Variants in SV2C observed in about 807,000 individuals in gnomAD.
SV2C encodes the protein synaptic vesicle glycoprotein 2C.
In SV2C, 49 loss-of-function variants were observed where a neutral mutation model predicts 79.7. The observed-to-expected ratio is 0.61, with a 90% CI of 0.49 to 0.78. The LOEUF is 0.78. Among genes scored for constraint, SV2C ranks in the 30% least tolerant of loss-of-function variants. SV2C has a pLI of 0.00. For missense variants in SV2C, 833 were observed against 912.9 expected (o/e 0.91, Z 1.13); for synonymous variants, 334 against 333.2 (o/e 1.00, Z -0.03).
chr5:75,884,668 A>G, the SV2C span, among the ~76,000 whole-genome samples: 1 of 152,168 alleles, frequency 6.6e-6, no homozygotes, highest in Non-Finnish European at 1.5e-5. Flanking sequence ...ATCACCATAC[A>G]TAACTAATAA....
chr5:75,889,228 C>A, the SV2C span, among the ~76,000 whole-genome samples: 1 of 151,800 alleles, frequency 6.6e-6, no homozygotes, highest in Non-Finnish European at 1.5e-5. Context: ...TTAGGTATTT[C>A]TCCTAATGCT....
the SV2C span, among the ~76,000 whole-genome samples, chr5:75,886,965 T>A: frequency 1.3e-5 from 2 of 152,246 alleles, no homozygotes; most frequent in South Asian, 4.1e-4. Context: ...CTGGGATGGT[T>A]GTTCAACCTA....
the SV2C span, among the ~76,000 whole-genome samples, chr5:75,908,431 G>C: frequency 2.6e-5 from 4 of 152,144 alleles, no homozygotes; most frequent in Non-Finnish European, 5.9e-5. Context: ...TTCCATTATA[G>C]AGATGTGCCA....
At chr5:75,999,323 CATAT>C in the SV2C span, among the ~76,000 whole-genome samples, 1 of 113,178 alleles carries the variant, frequency 8.8e-6, no homozygotes, top group Non-Finnish European at 1.9e-5. Context: ...GATACACACA[CATAT>C]ATATAGGAAG....
intron 4 of SV2C, among the ~76,000 whole-genome samples, chr5:76,216,120 GT>G (rs1744903469): frequency 6.6e-6 from 1 of 152,170 alleles, no homozygotes; most frequent in African/African-American, 2.4e-5. Context: ...GTGGCCAGGA[GT>G]TTTTGGTGGA....
the SV2C span, among the ~76,000 whole-genome samples, chr5:75,853,946 G>GAT: frequency 1.4e-5 from 2 of 142,520 alleles, no homozygotes; most frequent in Non-Finnish European, 3.0e-5. Flanking sequence ...AGCTTTGACA[G>GAT]ATATATATAT....
chr5:75,916,852 C>G, the SV2C span, among the ~76,000 whole-genome samples: 1 of 152,190 alleles, frequency 6.6e-6, no homozygotes, highest in Non-Finnish European at 1.5e-5. Flanking sequence ...TCCCCCAGTG[C>G]CAGCCTTGGG....
chr5:76,284,699 C>T, intron 4 of SV2C, among the ~76,000 whole-genome samples: 1 of 152,178 alleles, frequency 6.6e-6, no homozygotes, highest in East Asian at 1.9e-4. Flanking sequence ...TCCCAACCCT[C>T]CTTCACTCTG....
chr5:76,309,681 T>C (rs1748349782), intron 12 of SV2C, among the ~76,000 whole-genome samples: 1 of 146,878 alleles, frequency 6.8e-6, no homozygotes, highest in African/African-American at 2.5e-5. Flanking sequence ...ACACTCAACA[T>C]GTTCACAGAT....
At chr5:75,930,859 G>A in the SV2C span, among the ~76,000 whole-genome samples, 74 of 152,324 alleles carry the variant, frequency 4.9e-4, no homozygotes, top group Admixed American at 4.5e-3. Context: ...AGCAGGCTGG[G>A]TTGGAGGCTC....
At chr5:75,955,780 A>G in the SV2C span, among the ~76,000 whole-genome samples, 1 of 150,338 alleles carries the variant, frequency 6.7e-6, no homozygotes, top group Non-Finnish European at 1.5e-5. Flanking sequence ...ATGCAGCCAA[A>G]AAACACGTGA....
intron 2 of SV2C, among the ~76,000 whole-genome samples, chr5:76,169,681 C>G (rs568641379): frequency 6.6e-6 from 1 of 152,168 alleles, no homozygotes; most frequent in Non-Finnish European, 1.5e-5. Flanking sequence ...CACATTAAAC[C>G]GATTAAGGAA....
At chr5:76,036,602 G>T in the SV2C span, among the ~76,000 whole-genome samples, 260 of 152,316 alleles carry the variant, frequency 1.7e-3, 6 homozygotes, top group East Asian at 0.049. Context: ...TAGAATTTCT[G>T]CCGAGAGATC....
chr5:76,065,788 T>A, the SV2C span, among the ~76,000 whole-genome samples: 3 of 152,174 alleles, frequency 2.0e-5, no homozygotes, highest in African/African-American at 4.8e-5. Context: ...GCTAAGCCAG[T>A]CTTCTATTTT....
chr5:75,889,820 G>GGAAGCTT, the SV2C span, among the ~76,000 whole-genome samples: 310 of 152,210 alleles, frequency 2.0e-3, 2 homozygotes, highest in South Asian at 0.013. Context: ...GAAAAGGAAA[G>GGAAGCTT]GAAGCTTGAA....
In SV2C at chr5:76,113,921, TACACAC is replaced by T. The variant is rs144138185; in HGVS notation, c.-101-17715_-101-17710del. On this transcript the variant is annotated intron_variant, in intron 1 of 12. Transcript: ENST00000502798. The stretch of plus-strand genomic sequence containing the variant: ...ATTTGTACTTTCCTCCCCACAATCA[TACACAC>T]ACACACACACACATATATACACATA... Among the ~76,000 whole-genome samples, 7 of 150,404 alleles carry T rather than the reference TACACAC, an allele frequency of 4.7e-5. No homozygotes were observed. In the South Asian group the frequency reaches 1.1e-3, roughly 23 times the overall value.
chr5:75,938,987 G>T, the SV2C span, among the ~76,000 whole-genome samples: 64 of 152,194 alleles, frequency 4.2e-4, no homozygotes, highest in African/African-American at 1.4e-3. Context: ...GGGAGAGGCA[G>T]GGGAATGTCT....
intron 12 of SV2C, among the ~76,000 whole-genome samples, chr5:76,301,791 C>A (rs1179824757): frequency 1.3e-5 from 2 of 151,642 alleles, no homozygotes; most frequent in Non-Finnish European, 2.9e-5. Context: ...TGCCTGTAAT[C>A]CCAGTTACTC....
chr5:75,983,616 A>G, the SV2C span, among the ~76,000 whole-genome samples: 7 of 149,530 alleles, frequency 4.7e-5, no homozygotes, highest in Admixed American at 6.6e-5. Flanking sequence ...AAAAAAAAAG[A>G]TGTTTTGGCG....
Sources: allele counts gnomAD v4.1 joint callset (sites outside exome capture counted in the v4.1 genomes callset), GRCh38; gene constraint gnomAD v4.1.1; transcripts MANE v1.5; gene names NCBI Gene and HGNC (gene_info 2026-07-23, HGNC 2026-07-21).